The following RCL1 variants were observed in gnomAD, a reference collection of about 807,000 sequenced individuals.
RCL1 encodes the protein RNA 3'-terminal phosphate cyclase-like protein.
In RCL1, 24 loss-of-function variants were observed where a neutral mutation model predicts 42.4. The ratio of observed to expected loss-of-function variants is 0.57; its 90% CI spans 0.41 to 0.80. RCL1 has a LOEUF of 0.80. Among genes scored for constraint, RCL1 ranks in the 30% least tolerant of loss-of-function variants. The pLI, the probability that RCL1 is intolerant of heterozygous loss-of-function variation, is 0.00. For missense variants in RCL1, 578 were observed against 467.9 expected (o/e 1.24, Z -2.17); for synonymous variants, 228 against 177.3 (o/e 1.29, Z -2.27).
intron 1 of RCL1, among the ~76,000 whole-genome samples, chr9:4,808,848 A>G (rs1422109485): frequency 1.3e-5 from 2 of 152,200 alleles, no homozygotes; most frequent in Non-Finnish European, 2.9e-5. Flanking sequence ...ATAGAGGGCA[A>G]AGAAGTTTTT....
intron 1 of RCL1, among the ~76,000 whole-genome samples, chr9:4,805,890 AAGTAC>A (rs1206970184): frequency 6.6e-6 from 1 of 152,210 alleles, no homozygotes; most frequent in African/African-American, 2.4e-5. Flanking sequence ...TTCAGCATAC[AAGTAC>A]AGTACATGTT....
chr9:4,814,289 A>G (rs1816292660), intron 1 of RCL1, among the ~76,000 whole-genome samples: 1 of 149,870 alleles, frequency 6.7e-6, no homozygotes, highest in Non-Finnish European at 1.5e-5. Context: ...GAAATTTAAA[A>G]AAATTTTTTT....
intron 1 of RCL1, among the ~76,000 whole-genome samples, chr9:4,805,146 A>G (rs896340554): frequency 1.3e-5 from 2 of 152,182 alleles, no homozygotes; most frequent in Admixed American, 6.5e-5. Flanking sequence ...AAGATTAGAA[A>G]TGAAGCCTCC....
chr9:4,801,799 T>A (rs1843005364), intron 1 of RCL1, among the ~76,000 whole-genome samples: 1 of 152,006 alleles, frequency 6.6e-6, no homozygotes, highest in Non-Finnish European at 1.5e-5. Context: ...TCCATTTAAT[T>A]GCTTTTGTGC....
chr9:4,813,809 C>T (rs979740350), intron 1 of RCL1, among the ~76,000 whole-genome samples: 4 of 152,086 alleles, frequency 2.6e-5, no homozygotes, highest in African/African-American at 9.7e-5. Flanking sequence ...CAGTGATAGA[C>T]CGGATTAAGA....
chr9:4,820,196 T>C (rs1816541275), intron 1 of RCL1, among the ~76,000 whole-genome samples: 5 of 152,332 alleles, frequency 3.3e-5, no homozygotes, highest in Middle Eastern at 3.4e-3. Context: ...TGAAATCTTG[T>C]AGCCCCAGGA....
chr9:4,818,014 A>C (rs1265002277), intron 1 of RCL1, among the ~76,000 whole-genome samples: 1 of 138,568 alleles, frequency 7.2e-6, no homozygotes, highest in Non-Finnish European at 1.5e-5. Context: ...TCTGCCTCCT[A>C]GGTTCAAGCT....
At position 4,860,357 on chromosome 9, in the gene RCL1, A is replaced by G. The variant is rs936789229; in HGVS notation, c.*82A>G. On this transcript the variant is annotated 3_prime_UTR_variant, in exon 9 of 9. Transcript: ENST00000381750. ...CACCAATGGGACCAAGTCCAAATGG[A>G]TTAATCCAGGACAGAATAGCCACTT... The G allele has an allele frequency of 8.9e-6, 13 of 1,455,236 alleles. No individual in the cohort carries two copies. The highest frequency in any genetic ancestry group is 1.2e-5 in the Non-Finnish European group (13 of 1,071,176). The allele number at this position is 1,455,236 out of a possible 1,614,324, so 90.1% of individuals were successfully genotyped here. A position where few individuals can be genotyped will look rare whatever the true frequency, so the allele number is the denominator to read the frequency against.
rs112577010 is a variant in RCL1 at position 4,845,833 on chromosome 9, C to T, written c.867+1152C>T. On this transcript the variant is annotated intron_variant, in intron 7 of 8. Coordinates refer to ENST00000381750, the MANE Select transcript of RCL1 (RefSeq NM_005772.5). ...ATGTTTGTAAATCATCTCTCTTCTT[C>T]CCCTAAGGAGCTGAAGAGACTTCTT... Among the ~76,000 whole-genome samples, 229 of 152,280 alleles carry T rather than the reference C, an allele frequency of 1.5e-3. 2 individuals are homozygous for T. The highest frequency in any genetic ancestry group is 5.3e-3 in the African/African-American group (219 of 41,558).
intron 3 of RCL1, chr9:4,827,349 G>A: frequency 2.9e-6 from 3 of 1,050,760 alleles, no homozygotes; most frequent in Non-Finnish European, 4.0e-6. Context: ...TGAGAGTGGA[G>A]TTTTTGTAAG....
At chr9:4,814,766 T>G (rs2130987310) in intron 1 of RCL1, among the ~76,000 whole-genome samples, 1 of 152,332 alleles carries the variant, frequency 6.6e-6, no homozygotes, top group African/African-American at 2.4e-5. Flanking sequence ...TTTTTTCATT[T>G]CTAGATGTAG....
chr9:4,812,495 C>G (rs537956889), intron 1 of RCL1, among the ~76,000 whole-genome samples: 1 of 152,234 alleles, frequency 6.6e-6, no homozygotes, highest in Non-Finnish European at 1.5e-5. Context: ...ATCTCCTGGG[C>G]TCAAACGATC....
chr9:4,849,662 G>T (rs1817654356), intron 8 of RCL1, 112 bp downstream of exon 8: 1 of 719,090 alleles, frequency 1.4e-6, no homozygotes, highest in Non-Finnish European at 2.4e-6. Context: ...ACCTGCTTGT[G>T]TTTATCCTCA....
At chr9:4,833,459 G>A (rs796845479) in intron 4 of RCL1, among the ~76,000 whole-genome samples, 4 of 152,282 alleles carry the variant, frequency 2.6e-5, no homozygotes, top group African/African-American at 9.6e-5. Flanking sequence ...GGTGGGGGCC[G>A]TTCTAAGCAG....
rs189577327 is a variant in RCL1, at chr9:4,833,225, G to T, written c.456G>T (p.Leu152=). ...GGATTGATGGTGAATCATTTGAACT[G>T]AAGGTAAGAATGTTTGAACTGTTGA... ...QFGIDGESFE[L]KIVRRGMPPG... Residue 152 remains leucine, a synonymous_variant, in exon 4 of 9, where the codon CTG becomes CTT. Coordinates refer to ENST00000381750, the MANE Select transcript of RCL1 (RefSeq NM_005772.5). 2.2e-5 allele frequency: 35 copies of T among 1,609,236 alleles called. No individual in the cohort carries two copies. The East Asian group carries it at 3.3e-4, about 15-fold the overall frequency.
At chr9:4,828,236 C>T (rs1402968048) in intron 3 of RCL1, among the ~76,000 whole-genome samples, 3 of 150,684 alleles carry the variant, frequency 2.0e-5, no homozygotes, top group Admixed American at 6.6e-5. Flanking sequence ...CTTGTCTTTA[C>T]CATTACAGGC....
At chr9:4,799,297 T>C (rs890361610) in intron 1 of RCL1, among the ~76,000 whole-genome samples, 2 of 152,044 alleles carry the variant, frequency 1.3e-5, no homozygotes, top group Non-Finnish European at 2.9e-5. Flanking sequence ...CAGATGGAAC[T>C]ATCTACCATC....
At chr9:4,853,457 G>T (rs1232664018) in intron 8 of RCL1, among the ~76,000 whole-genome samples, 1 of 152,096 alleles carries the variant, frequency 6.6e-6, no homozygotes, top group Admixed American at 6.5e-5. Flanking sequence ...GAGTAGCTGG[G>T]ACTACAGGCG....
Position 4,834,278 on chromosome 9 carries a change from T to C in RCL1, c.584+13T>C. On this transcript the variant is annotated intron_variant, in intron 5 of 8. Coordinates refer to ENST00000381750, the MANE Select transcript of RCL1 (RefSeq NM_005772.5). ...TTAGAGGAATGGCGTATCCTTTCCATTTATTTGGATTTCTTTTTTTTTTGT... is the reference window on the plus strand; with the variant it reads ...TTAGAGGAATGGCGTATCCTTTCCACTTATTTGGATTTCTTTTTTTTTTGT... 6.3e-7 allele frequency: 1 copy of C among 1,597,974 alleles called. No individual in the cohort carries two copies.
Sources: allele counts gnomAD v4.1 joint callset (sites outside exome capture counted in the v4.1 genomes callset), GRCh38; gene constraint gnomAD v4.1.1; transcripts MANE v1.5; gene names NCBI Gene and HGNC (gene_info 2026-07-23, HGNC 2026-07-21).